The following SIPA1L3 variants were observed in gnomAD, a reference collection of about 807,000 sequenced individuals.
The protein encoded by SIPA1L3 is signal-induced proliferation-associated 1-like protein 3.
Under a neutral mutation model 150.1 loss-of-function variants are expected in SIPA1L3, and 59 were observed. The observed-to-expected ratio is 0.39, with a 90% CI of 0.32 to 0.49. The LOEUF (loss-of-function observed/expected upper bound fraction) is 0.49. SIPA1L3 is among the 20% of genes least tolerant of loss of function. The pLI, the probability that SIPA1L3 is intolerant of heterozygous loss-of-function variation, is 0.86. For missense variants in SIPA1L3, 2,211 were observed against 2,489.5 expected (o/e 0.89, Z 2.38); for synonymous variants, 1,070 against 1,077.6 (o/e 0.99, Z 0.14).
At chr19:38,198,718 G>A (rs570128966) in intron 19 of SIPA1L3, among the ~76,000 whole-genome samples, 186 bp downstream of exon 19, 1 of 152,358 alleles carries the variant, frequency 6.6e-6, no homozygotes, top group African/African-American at 2.4e-5. Context: ...TCTCTTTGAT[G>A]CCAGCGAACC....
intron 1 of SIPA1L3, among the ~76,000 whole-genome samples, chr19:38,015,894 T>C (rs999550372): frequency 4.6e-5 from 7 of 152,130 alleles, no homozygotes; most frequent in African/African-American, 1.7e-4. Context: ...GTAGTTGTGA[T>C]AATATGCTTA....
At chr19:37,909,905 A>G (rs541837153) in intron 1 of SIPA1L3, among the ~76,000 whole-genome samples, 37 of 152,184 alleles carry the variant, frequency 2.4e-4, no homozygotes, top group African/African-American at 8.9e-4. Context: ...GGTGGCCTCA[A>G]TCACATTTGT....
intron 18 of SIPA1L3, among the ~76,000 whole-genome samples, chr19:38,197,460 G>A (rs538111176): frequency 2.4e-4 from 37 of 152,076 alleles, no homozygotes; most frequent in African/African-American, 8.9e-4. Flanking sequence ...TCTGCTCAGC[G>A]TGTCATACCT....
chr19:38,104,336 C>G (rs892232792), intron 6 of SIPA1L3, among the ~76,000 whole-genome samples: 1 of 152,218 alleles, frequency 6.6e-6, no homozygotes, highest in African/African-American at 2.4e-5. Flanking sequence ...TTGCCTCTCT[C>G]GACCTCAGTT....
chr19:38,148,930 T>G (rs1388767886), intron 12 of SIPA1L3, among the ~76,000 whole-genome samples: 3 of 152,224 alleles, frequency 2.0e-5, no homozygotes, highest in Non-Finnish European at 4.4e-5. Context: ...TCTTCTCTTC[T>G]GCCGGGGATG....
intron 2 of SIPA1L3, among the ~76,000 whole-genome samples, chr19:38,041,427 C>T (rs573309596): frequency 6.6e-5 from 10 of 151,692 alleles, no homozygotes; most frequent in East Asian, 3.9e-4. Context: ...TACAGGCGCA[C>T]GCTACCATGC....
At chr19:38,191,964 G>A (rs529227303) in intron 16 of SIPA1L3, among the ~76,000 whole-genome samples, 181 bp from the exon 17 acceptor site, 180 of 152,300 alleles carry the variant, frequency 1.2e-3, no homozygotes, top group African/African-American at 4.1e-3. Context: ...TGTGGTTCCC[G>A]GAAAACGTTT....
chr19:38,182,847 GCCAGTGTA>G, intron 16 of SIPA1L3, 107 bp downstream of exon 16: 1 of 856,964 alleles, frequency 1.2e-6, no homozygotes, highest in Non-Finnish European at 1.8e-6. Context: ...ACGACTGTGG[GCCAGTGTA>G]CCAGTGTACA....
chr19:38,181,991 A>C (rs1972563502), intron 15 of SIPA1L3, among the ~76,000 whole-genome samples: 4 of 151,912 alleles, frequency 2.6e-5, no homozygotes. Context: ...TCTCTACAAA[A>C]ATTAGCTAAG....
chr19:37,934,251 GTGCTGATGGACTTC>G (rs1164484836), intron 1 of SIPA1L3, among the ~76,000 whole-genome samples: 2 of 152,316 alleles, frequency 1.3e-5, no homozygotes, highest in East Asian at 3.9e-4. Context: ...GGGGACTGAG[GTGCTGATGGACTTC>G]GCGCCGCTGT....
intron 3 of SIPA1L3, among the ~76,000 whole-genome samples, chr19:38,086,169 T>G (rs991522587): frequency 3.3e-5 from 5 of 152,092 alleles, no homozygotes; most frequent in African/African-American, 1.2e-4. Flanking sequence ...ACACTGTATA[T>G]GTATTAACTT....
intron 9 of SIPA1L3, among the ~76,000 whole-genome samples, chr19:38,126,832 G>T (rs960062636): frequency 6.6e-6 from 1 of 152,006 alleles, no homozygotes; most frequent in Admixed American, 6.6e-5. Flanking sequence ...CACTGTGCCC[G>T]GCCCAATTTT....
At chr19:38,126,402 A>G (rs1971173147) in intron 9 of SIPA1L3, among the ~76,000 whole-genome samples, 1 of 152,206 alleles carries the variant, frequency 6.6e-6, no homozygotes, top group South Asian at 2.1e-4. Context: ...CCTGCAGCCC[A>G]AGAGGGCTTT....
chr19:38,101,866 C>T lies in SIPA1L3; in HGVS notation c.2029+640C>T, dbSNP rs182509751. On this transcript the variant is annotated intron_variant, in intron 6 of 21. Coordinates refer to ENST00000222345, the MANE Select transcript of SIPA1L3 (RefSeq NM_015073.3). ...TGAATATCCCTAACCACCGGCACCT[C>T]GGTGCACCCAGTGCACACTGGCAGA... Among the ~76,000 whole-genome samples, 177 of 152,294 alleles carry T rather than the reference C, an allele frequency of 1.2e-3. 2 individuals are homozygous for T. Among genetic ancestry groups the T allele is most frequent in the South Asian group, 1.2e-3 (6 of 4,824 alleles).
chr19:38,162,722 C>T (rs1972122154), intron 14 of SIPA1L3, among the ~76,000 whole-genome samples: 1 of 152,262 alleles, frequency 6.6e-6, no homozygotes, highest in East Asian at 1.9e-4. Flanking sequence ...CAGTGAGCAT[C>T]TACCCGCCAT....
chr19:38,164,734 G>T lies in SIPA1L3; in HGVS notation c.4036G>T (p.Gly1346Trp), dbSNP rs764077337. The change falls in exon 15 of 22, where the codon GGG (glycine) becomes TGG (tryptophan). Residue 1346 changes from glycine to tryptophan, a missense_variant. By Grantham distance (184) the Gly-to-Trp change is radical. Coordinates refer to ENST00000222345, the MANE Select transcript of SIPA1L3 (RefSeq NM_015073.3). This position sits in a 1 kb window ranked among gnomAD's most constrained non-coding sequence, Gnocchi z 4.1. ...CCCTGGAAGTATGGGCCTTTGTGGC[G>T]GGGGTCGCGAGGCCGCTGGGAGGTC... ...KPPGSMGLCG[G>W]GREAAGRSHH... The T allele has an allele frequency of 6.2e-7, 1 of 1,613,168 alleles. No individual in the cohort carries two copies. The highest frequency in any genetic ancestry group is 8.5e-7 in the Non-Finnish European group (1 of 1,179,702).
At chr19:38,141,519 C>T in intron 11 of SIPA1L3, 84 bp downstream of exon 11, 1 of 1,385,806 alleles carries the variant, frequency 7.2e-7, no homozygotes, top group Middle Eastern at 2.3e-4. Context: ...CTCACTATTT[C>T]CTCCATCCTC....
At chr19:38,075,613 C>G (rs1384279467) in intron 2 of SIPA1L3, among the ~76,000 whole-genome samples, 1 of 149,372 alleles carries the variant, frequency 6.7e-6, no homozygotes, top group Non-Finnish European at 1.5e-5. Flanking sequence ...AACCCTGTCT[C>G]TACTAAAAAT....
chr19:38,204,857 C>T (rs757859944), intron 21 of SIPA1L3, among the ~76,000 whole-genome samples: 1 of 152,152 alleles, frequency 6.6e-6, no homozygotes, highest in African/African-American at 2.4e-5. Context: ...TGAACAAGGA[C>T]GTTCGTTGCC....
Sources: gnomAD v4.1 joint callset for allele counts (sites outside exome capture counted in the v4.1 genomes callset) on GRCh38, gnomAD v4.1.1 for gene constraint, Gnocchi (gnomAD v3.1) non-coding constraint, MANE v1.5 for transcripts, NCBI Gene and HGNC (gene_info 2026-07-23, HGNC 2026-07-21) for gene names.